The following ZNF618 variants were observed in gnomAD, a reference collection of about 807,000 sequenced individuals.
ZNF618 encodes the protein zinc finger protein 618.
Under a neutral mutation model 103.0 loss-of-function variants are expected in ZNF618, and 34 were observed. That is an observed-to-expected ratio of 0.33 (90% CI 0.25 to 0.44). The LOEUF (loss-of-function observed/expected upper bound fraction) is 0.44. Among genes scored for constraint, ZNF618 ranks in the 20% least tolerant of loss-of-function variants. The pLI is 1.00. For missense variants in ZNF618, 1,059 were observed against 1,295.4 expected, an observed-to-expected ratio of 0.82 and a Z score of 2.80; for synonymous variants, 551 against 542.2, an observed-to-expected ratio of 1.02 and a Z score of -0.23.
At chr9:114,010,949 T>C (rs970847136) in intron 9 of ZNF618, among the ~76,000 whole-genome samples, 2 of 152,186 alleles carry the variant, frequency 1.3e-5, no homozygotes, top group Admixed American at 1.3e-4. Flanking sequence ...CTTGTGAGTA[T>C]CCCATAAGTT....
At position 114,051,565 on chromosome 9, in the gene ZNF618, C is replaced by T. The variant is rs972522510; in HGVS notation, c.*1398C>T. The T allele has an allele frequency of 1.3e-5, 2 of 152,934 alleles. No homozygotes were observed. The highest frequency in any genetic ancestry group is 2.9e-5 in the Non-Finnish European group (2 of 68,318). 9.5% of individuals were successfully genotyped at this position (152,934 alleles called of 1,614,324 possible). A position where few individuals can be genotyped will look rare whatever the true frequency, so the allele number is the denominator to read the frequency against. ...CCACACCTCAGACCTGCCACAGCCTCTCCTCACTTCCCAGGACCCTGAGGC... is the reference window on the plus strand; with the variant it reads ...CCACACCTCAGACCTGCCACAGCCTTTCCTCACTTCCCAGGACCCTGAGGC... On this transcript the variant is annotated 3_prime_UTR_variant, in exon 15 of 15. Coordinates refer to ENST00000374126, the MANE Select transcript of ZNF618 (RefSeq NM_001318042.2).
chr9:114,016,761 A>G lies in ZNF618; in HGVS notation c.821A>G (p.His274Arg). 1.2e-6 allele frequency: 2 copies of G among 1,613,516 alleles called. No individual in the cohort carries two copies. The highest frequency in any genetic ancestry group is 1.7e-6 in the Non-Finnish European group (2 of 1,179,734). ...QYKYYTPYQEHVALHAPISTA... is the reference protein window; with the variant it reads ...QYKYYTPYQERVALHAPISTA... ...AAGTACTACACTCCCTACCAGGAGC[A>G]TGTGGCCTTACACGCCCCCATCAGT... Residue 274 changes from histidine (H) to arginine (R), a missense_variant, in exon 10 of 15, where the codon CAT (histidine) becomes CGT (arginine). Coordinates refer to ENST00000374126, the MANE Select transcript of ZNF618 (RefSeq NM_001318042.2).
chr9:113,885,947 G>T (rs576757364), intron 1 of ZNF618, among the ~76,000 whole-genome samples: 2 of 152,250 alleles, frequency 1.3e-5, no homozygotes, highest in South Asian at 4.2e-4. Context: ...GGTGATGCTT[G>T]GCCCCCCAGT....
At chr9:114,010,356 C>T (rs1311023968) in intron 9 of ZNF618, among the ~76,000 whole-genome samples, 5 of 149,324 alleles carry the variant, frequency 3.3e-5, no homozygotes, top group East Asian at 4.0e-4. Context: ...TGCTCAAATA[C>T]GAGAAGTTAG....
intron 1 of ZNF618, among the ~76,000 whole-genome samples, chr9:113,917,142 C>G (rs1209825141): frequency 6.6e-6 from 1 of 151,700 alleles, no homozygotes; most frequent in Non-Finnish European, 1.5e-5. Context: ...TTTGCACTTG[C>G]TGTTTCCTTG....
intron 1 of ZNF618, among the ~76,000 whole-genome samples, chr9:113,942,289 G>A (rs1834629077): frequency 6.6e-6 from 1 of 151,652 alleles, no homozygotes; most frequent in Non-Finnish European, 1.5e-5. Flanking sequence ...GTGGCTTCAT[G>A]GGATATAATT....
intron 1 of ZNF618, among the ~76,000 whole-genome samples, chr9:113,884,718 A>G (rs1215744571): frequency 5.9e-5 from 9 of 152,020 alleles, no homozygotes; most frequent in African/African-American, 2.2e-4. Context: ...ACACACACAC[A>G]CGCACCCCAT....
rs377760795 is a variant in ZNF618, at chr9:113,922,711, G to A, written c.33+46298G>A. 2.2e-4 allele frequency among the ~76,000 whole-genome samples: 33 copies of A among 152,168 alleles called. No individual in the cohort carries two copies. The East Asian group carries it at 2.9e-3, about 13-fold the overall frequency. On this transcript the variant is annotated intron_variant, in intron 1 of 14. Coordinates refer to ENST00000374126, the MANE Select transcript of ZNF618 (RefSeq NM_001318042.2). Reference sequence around the variant, plus strand: ...CTGTCTTGTTTACTGTACCTTTATAGTAAGTCTCGAAGCTGGGTAGTGTCA... The same window carrying A: ...CTGTCTTGTTTACTGTACCTTTATAATAAGTCTCGAAGCTGGGTAGTGTCA...
chr9:113,905,887 C>T (rs1830944695), intron 1 of ZNF618, among the ~76,000 whole-genome samples: 1 of 152,184 alleles, frequency 6.6e-6, no homozygotes, highest in African/African-American at 2.4e-5. Context: ...CCCTGCCCTG[C>T]AGCTTGATCA....
At position 113,886,415 on chromosome 9, in the gene ZNF618, G is replaced by C. The variant is rs566188879; in HGVS notation, c.33+10002G>C. On this transcript the variant is annotated intron_variant, in intron 1 of 14. Transcript: ENST00000374126. ...ACTCAGAGTTTTTGCAAGCGAAGAAGATGTAGTCGGGGAACTTAGAATACT... is the reference window on the plus strand; with the variant it reads ...ACTCAGAGTTTTTGCAAGCGAAGAACATGTAGTCGGGGAACTTAGAATACT... Among the ~76,000 whole-genome samples, 14 of 152,288 alleles carry C rather than the reference G, an allele frequency of 9.2e-5. No homozygotes were observed. In the South Asian group the frequency reaches 2.9e-3, roughly 32 times the overall value.
chr9:114,043,461 T>C (rs951438760), intron 13 of ZNF618, among the ~76,000 whole-genome samples: 6 of 152,222 alleles, frequency 3.9e-5, no homozygotes, highest in African/African-American at 1.4e-4. Context: ...TGGTTTTGAT[T>C]TACATTTTTC....
At chr9:113,894,756 CTAAT>C (rs1313954447) in intron 1 of ZNF618, among the ~76,000 whole-genome samples, 1 of 152,026 alleles carries the variant, frequency 6.6e-6, no homozygotes, top group Non-Finnish European at 1.5e-5. Flanking sequence ...AATATTTTGC[CTAAT>C]TAATGTGGGT....
At chr9:113,952,590 A>G (rs1315150322) in intron 1 of ZNF618, among the ~76,000 whole-genome samples, 2 of 152,230 alleles carry the variant, frequency 1.3e-5, no homozygotes, top group South Asian at 2.1e-4. Flanking sequence ...CCTTGGGGCC[A>G]GATAAGCTTG....
At position 113,918,443 on chromosome 9, in the gene ZNF618, G is replaced by C. The variant is rs10982004; in HGVS notation, c.33+42030G>C. Among the ~76,000 whole-genome samples, 1,955 of 152,244 alleles carry C rather than the reference G, an allele frequency of 0.013. 133 individuals are homozygous for C. The East Asian group carries it at 0.2, about 16-fold the overall frequency. On this transcript the variant is annotated intron_variant, in intron 1 of 14. Transcript: ENST00000374126. ...CTATCCACTAATTTTAGCATCTATT[G>C]TTGCTTCTTGCCTACAACAGTGATA...
chr9:114,049,514 A>G lies in ZNF618; in HGVS notation c.2212A>G (p.Ile738Val). The G allele has an allele frequency of 2.5e-6, 4 of 1,613,650 alleles. No homozygotes were observed. The highest frequency in any genetic ancestry group is 3.4e-6 in the Non-Finnish European group (4 of 1,179,764). ...GCACCTGCTCAGCAACCTGGCGGCCATCCTGACGCCGGTGAAGCAGGCAGT... is the reference window on the plus strand; with the variant it reads ...GCACCTGCTCAGCAACCTGGCGGCCGTCCTGACGCCGGTGAAGCAGGCAGT... Reference protein sequence around the residue: ...NKHLLSNLAAILTPVKQAVIE... With the variant: ...NKHLLSNLAAVLTPVKQAVIE... Residue 738 changes from isoleucine (I) to valine (V), a missense_variant, in exon 15 of 15, where the codon ATC becomes GTC. This residue lies in a region of ZNF618 where 272 missense variants were observed against 380.1 expected (regional missense o/e 0.72). Transcript: ENST00000374126.
intron 2 of ZNF618, among the ~76,000 whole-genome samples, chr9:113,980,743 C>A (rs1489829932): frequency 2.0e-5 from 3 of 152,126 alleles, no homozygotes; most frequent in Non-Finnish European, 2.9e-5. Flanking sequence ...GCCGGAGATC[C>A]ACCAGGGGAG....
At chr9:113,994,472 T>C (rs1483520662) in intron 3 of ZNF618, among the ~76,000 whole-genome samples, 1 of 152,230 alleles carries the variant, frequency 6.6e-6, no homozygotes, top group Non-Finnish European at 1.5e-5. Flanking sequence ...TCTTGGGGTC[T>C]GAAGGGTTAG....
intron 2 of ZNF618, 147 bp from the exon 3 acceptor site, chr9:113,988,174 T>G: frequency 7.8e-6 from 8 of 1,028,024 alleles, no homozygotes; most frequent in Non-Finnish European, 1.1e-5. Flanking sequence ...GGGGTAGCCG[T>G]GGGGGTTGTG....
At chr9:113,942,185 C>G (rs1834613027) in intron 1 of ZNF618, among the ~76,000 whole-genome samples, 1 of 151,824 alleles carries the variant, frequency 6.6e-6, no homozygotes, top group Admixed American at 6.6e-5. Flanking sequence ...AAGACCTTCT[C>G]TGAGCCTCAA....
Sources: gnomAD v4.1 joint callset for allele counts (sites outside exome capture counted in the v4.1 genomes callset) on GRCh38, gnomAD v4.1.1 for gene constraint, gnomAD v4.1.1 regional missense constraint, MANE v1.5 for transcripts, NCBI Gene and HGNC (gene_info 2026-07-23, HGNC 2026-07-21) for gene names.